Variants in TSPAN4 observed in about 807,000 individuals in gnomAD.
TSPAN4 encodes the protein tetraspanin 4.
Under a neutral mutation model 31.5 loss-of-function variants are expected in TSPAN4, and 38 were observed. The ratio of observed to expected loss-of-function variants is 1.21; its 90% CI spans 0.93 to 1.58. The LOEUF is 1.58. TSPAN4 is among the 40% of genes most tolerant of loss of function. TSPAN4 has a pLI of 0.00. For synonymous variants in TSPAN4, 186 were observed against 144.6 expected (o/e 1.29, Z -2.06); for missense variants, 330 against 317.3 (o/e 1.04, Z -0.30).
Position 862,641 on chromosome 11 carries a change from C to A in TSPAN4, c.155C>A (p.Ser52Ter). The change falls in exon 4 of 9, where the codon TCG (serine) becomes TAG (stop). Residue 52 changes from serine to a stop codon, truncating the protein, a stop_gained. Transcript: ENST00000397397. LOFTEE classifies it high-confidence loss of function. ...CTGTCCTCTTCCTTCCCGTCCCTGT[C>A]GGCTGCCAACTTGCTCATCATCACC... is the stretch of plus-strand genomic sequence containing the variant. Reference protein sequence around the residue: ...ATLSSSFPSLSAANLLIITGA... With the variant: ...ATLSSSFPSL The A allele has an allele frequency of 6.2e-7, 1 of 1,613,386 alleles. No individual in the cohort carries two copies. Among genetic ancestry groups the A allele is most frequent in the Non-Finnish European group, 8.5e-7 (1 of 1,179,900 alleles).
At position 847,309 on chromosome 11, in the gene TSPAN4, G is replaced by C. The variant is rs186138570; in HGVS notation, c.-18+9G>C. ...TCCTGTGGCCAGCCCAGGTATGTCAGGGCCCGGCTGGGCTGGATGGTTGTG... is the reference window on the plus strand; with the variant it reads ...TCCTGTGGCCAGCCCAGGTATGTCACGGCCCGGCTGGGCTGGATGGTTGTG... On this transcript the variant is annotated intron_variant, in intron 2 of 8. Transcript: ENST00000397397. 152 of 152,358 alleles carry C rather than the reference G, an allele frequency of 1.0e-3. No individual in the cohort carries two copies. The highest frequency in any genetic ancestry group is 3.4e-3 in the African/African-American group (143 of 41,576). 9.4% of individuals were successfully genotyped at this position (152,358 alleles called of 1,614,324 possible).
rs916169707 is a variant in TSPAN4, at chr11:864,637, C to T, written c.330+126C>T. 4.3e-5 allele frequency: 53 copies of T among 1,228,510 alleles called. 1 individual carries two copies. The highest frequency in any genetic ancestry group is 2.0e-4 in the Middle Eastern group (1 of 5,030). The allele number at this position is 1,228,510 out of a possible 1,614,324, so 76.1% of individuals were successfully genotyped here. On this transcript the variant is annotated intron_variant, in intron 5 of 8. Coordinates refer to ENST00000397397, the MANE Select transcript of TSPAN4 (RefSeq NM_003271.5). ...GTGCCCTCACGGGCAGCCAGGACAG[C>T]GGGTGTGGATTTACCAGGCCTGGAG...
chr11:848,809 C>T lies in TSPAN4; in HGVS notation c.-17-1479C>T. On this transcript the variant is annotated intron_variant, in intron 2 of 8. Transcript: ENST00000397397. The surrounding 1 kb of genome is among the most constrained non-coding windows in gnomAD (Gnocchi z 5.7). ...GTGCCCTGTGGTGGGGCTGGGGCTT[C>T]AGAGGCGTGGGGTAGGCTGCAGGGC... 1.6e-6 allele frequency: 1 copy of T among 615,930 alleles called. No homozygotes were observed. The highest frequency in any genetic ancestry group is 1.9e-5 in the South Asian group (1 of 52,452). The allele number at this position is 615,930 out of a possible 1,614,324, so 38.2% of individuals were successfully genotyped here. A position where few individuals can be genotyped will look rare whatever the true frequency, so the allele number is the denominator to read the frequency against.
chr11:861,098 G>C (rs12792188), intron 3 of TSPAN4, among the ~76,000 whole-genome samples: 68,334 of 152,066 alleles, frequency 0.45, 15,963 homozygotes, highest in Admixed American at 0.52. Flanking sequence ...CTTCCCTTGA[G>C]GCCTTGCTGG....
chr11:845,095 C>T (rs893494739), intron 1 of TSPAN4, among the ~76,000 whole-genome samples: 1 of 152,188 alleles, frequency 6.6e-6, no homozygotes. Context: ...TGCATCCCTC[C>T]TGCCGCTGAG....
chr11:862,198 TA>T (rs1221837707), intron 3 of TSPAN4: 2 of 277,662 alleles, frequency 7.2e-6, no homozygotes, highest in Admixed American at 5.1e-5. Flanking sequence ...GAAGCGGGGT[TA>T]GGGGTGTGCA....
At chr11:856,461 T>C (rs115743834) in intron 3 of TSPAN4, among the ~76,000 whole-genome samples, 1,688 of 152,274 alleles carry the variant, frequency 0.011, 23 homozygotes, top group African/African-American at 0.038. Flanking sequence ...GCCCCTCTCC[T>C]GGGCTGTTCC....
chr11:847,229 C>G lies in TSPAN4; in HGVS notation c.-89C>G, dbSNP rs1009870867. On this transcript the variant is annotated 5_prime_UTR_variant, in exon 2 of 9. Coordinates refer to ENST00000397397, the MANE Select transcript of TSPAN4 (RefSeq NM_003271.5). ...TTGGGGCTTCCTTGGTCGCACCCAC[C>G]ACCTGCCTGCCCACTGGTCAGCCTT... 1 of 152,298 alleles carries G rather than the reference C, an allele frequency of 6.6e-6. No individual in the cohort carries two copies. The highest frequency in any genetic ancestry group is 1.5e-5 in the Non-Finnish European group (1 of 68,106). The allele number at this position is 152,298 out of a possible 1,614,324, so 9.4% of individuals were successfully genotyped here.
chr11:851,212 G>A (rs1237296084), intron 3 of TSPAN4, among the ~76,000 whole-genome samples: 1 of 152,248 alleles, frequency 6.6e-6, no homozygotes, highest in Non-Finnish European at 1.5e-5. Flanking sequence ...TGGCTCCTGT[G>A]GAGGGCAGCT....
intron 8 of TSPAN4, among the ~76,000 whole-genome samples, 195 bp from the exon 9 acceptor site, chr11:866,367 G>A (rs1377549804): frequency 6.6e-6 from 1 of 152,090 alleles, no homozygotes; most frequent in Non-Finnish European, 1.5e-5. Flanking sequence ...AGGCTCAGGG[G>A]AGGGTGCTGT....
chr11:864,040 CAG>C (rs1198959780), intron 4 of TSPAN4: 1 of 256,722 alleles, frequency 3.9e-6, no homozygotes, highest in Admixed American at 4.6e-5. Context: ...ACCATGAAGA[CAG>C]GCACCCAGCG....
chr11:848,738 G>C lies in TSPAN4; in HGVS notation c.-18+1438G>C. 2 of 522,032 alleles carry C rather than the reference G, an allele frequency of 3.8e-6. No individual in the cohort carries two copies. The highest frequency in any genetic ancestry group is 5.2e-5 in the South Asian group (2 of 38,524). The allele number at this position is 522,032 out of a possible 1,614,324, so 32.3% of individuals were successfully genotyped here. A position where few individuals can be genotyped will look rare whatever the true frequency, so the allele number is the denominator to read the frequency against. ...CTCTGGGCTTCAGGTCATCTGCCAG[G>C]AATCTGGGCCACGTGCTGATATCTT... On this transcript the variant is annotated intron_variant, in intron 2 of 8. Transcript: ENST00000397397. This position sits in a 1 kb window ranked among gnomAD's most constrained non-coding sequence, Gnocchi z 5.7.
At chr11:863,033 C>T in intron 4 of TSPAN4, 2 of 372,116 alleles carry the variant, frequency 5.4e-6, no homozygotes, top group Non-Finnish European at 9.7e-6. Flanking sequence ...GCAGGCACAG[C>T]CCCGCACACA....
rs1472107904 is a variant in TSPAN4 at position 865,717 on chromosome 11, C to T, written c.456C>T (p.Asn152=). 4.2e-5 allele frequency: 68 copies of T among 1,613,488 alleles called. No individual in the cohort carries two copies. Among genetic ancestry groups the T allele is most frequent in the Non-Finnish European group, 5.8e-5 (68 of 1,179,970 alleles). The change falls in exon 7 of 9, where the codon AAC becomes AAT. Residue 152 remains asparagine, a synonymous_variant. Coordinates refer to ENST00000397397, the MANE Select transcript of TSPAN4 (RefSeq NM_003271.5). ...QTDFRCCGVS[N]YTDWFEVYNA... ...AGTTCCGCTGCTGTGGCGTCTCCAA[C>T]TACACTGACTGGTTCGAGGTGTACA...
chr11:866,488 G>A, intron 8 of TSPAN4, 74 bp from the exon 9 acceptor site: 1 of 1,449,876 alleles, frequency 6.9e-7, no homozygotes, highest in Non-Finnish European at 9.5e-7. Context: ...CACCTGCTGA[G>A]GACAGGGACT....
rs762114852 is a variant in TSPAN4, at chr11:850,277, C to T, written c.-17-11C>T. On this transcript the variant is annotated splice_polypyrimidine_tract_variant and intron_variant, in intron 2 of 8. Coordinates refer to ENST00000397397, the MANE Select transcript of TSPAN4 (RefSeq NM_003271.5). ...TTTTCTACCTGGACCTCTCCTTCAT[C>T]TTCCTCCTAGAACTGAAGCGCTGCG... 3 of 1,600,782 alleles carry T rather than the reference C, an allele frequency of 1.9e-6. No individual in the cohort carries two copies. Among genetic ancestry groups the T allele is most frequent in the South Asian group, 2.2e-5 (2 of 89,904 alleles).
intron 4 of TSPAN4, chr11:862,949 T>G (rs928629288): frequency 1.7e-6 from 1 of 584,694 alleles, no homozygotes. Context: ...TGCAGAGCGG[T>G]GTGGGGGTCA....
In TSPAN4 at chr11:850,291, T is replaced by G; in HGVS notation, c.-14T>G. 1 of 1,606,460 alleles carries G rather than the reference T, an allele frequency of 6.2e-7. No individual in the cohort carries two copies. The highest frequency in any genetic ancestry group is 8.5e-7 in the Non-Finnish European group (1 of 1,177,850). On this transcript the variant is annotated 5_prime_UTR_variant, in exon 3 of 9. Transcript: ENST00000397397. Reference sequence around the variant, plus strand: ...CTCTCCTTCATCTTCCTCCTAGAACTGAAGCGCTGCGGCATGGCGCGCGCC... The same window carrying G: ...CTCTCCTTCATCTTCCTCCTAGAACGGAAGCGCTGCGGCATGGCGCGCGCC...
At chr11:852,042 C>T (rs1847778189) in intron 3 of TSPAN4, among the ~76,000 whole-genome samples, 1 of 152,150 alleles carries the variant, frequency 6.6e-6, no homozygotes, top group Non-Finnish European at 1.5e-5. Flanking sequence ...GCATGGCAGA[C>T]ACACTCCCCC....
Sources: allele counts gnomAD v4.1 joint callset (sites outside exome capture counted in the v4.1 genomes callset), GRCh38; gene constraint gnomAD v4.1.1; non-coding constraint Gnocchi (gnomAD v3.1); transcripts MANE v1.5; gene names NCBI Gene and HGNC (gene_info 2026-07-23, HGNC 2026-07-21).